Variants in STRADA observed in about 807,000 individuals in gnomAD.
The protein encoded by STRADA is STE20 related adaptor alpha.
STRADA carries 26 observed loss-of-function variants against 55.0 expected under a neutral mutation model. That is an observed-to-expected ratio of 0.47 (90% CI 0.35 to 0.66). STRADA has a LOEUF of 0.66. Among genes scored for constraint, STRADA ranks in the 30% least tolerant of loss-of-function variants. The pLI is 0.01. For synonymous variants in STRADA, 197 were observed against 210.9 expected, an observed-to-expected ratio of 0.93 and a Z score of 0.57; for missense variants, 443 against 549.7, an observed-to-expected ratio of 0.81 and a Z score of 1.94.
intron 4 of STRADA, among the ~76,000 whole-genome samples, chr17:63,714,801 C>T (rs146016345): frequency 6.6e-6 from 1 of 152,336 alleles, no homozygotes; most frequent in Non-Finnish European, 1.5e-5. Context: ...TGTCACAACT[C>T]TGGCCTCTAA....
chr17:63,712,788 G>A (rs1172582133), intron 6 of STRADA, among the ~76,000 whole-genome samples: 1 of 150,644 alleles, frequency 6.6e-6, no homozygotes. Flanking sequence ...ATCACCTGAA[G>A]TCAGGAGTTT....
intron 8 of STRADA, 106 bp from the exon 9 acceptor site, chr17:63,707,524 T>A: frequency 9.7e-7 from 1 of 1,032,544 alleles, no homozygotes; most frequent in Non-Finnish European, 1.5e-6. Context: ...TGTGCGTGTG[T>A]TATACACGTA....
intron 3 of STRADA, 35 bp from the exon 4 acceptor site, chr17:63,723,361 T>G: frequency 6.2e-7 from 1 of 1,613,920 alleles, no homozygotes; most frequent in South Asian, 1.1e-5. Flanking sequence ...GCATTTTGTG[T>G]TTTAGCAGAA....
chr17:63,713,070 G>A (rs2036613710), intron 6 of STRADA, among the ~76,000 whole-genome samples: 1 of 152,030 alleles, frequency 6.6e-6, no homozygotes, highest in African/African-American at 2.4e-5. Flanking sequence ...CCAGAAGATG[G>A]CCACTGGTGG....
intron 1 of STRADA, among the ~76,000 whole-genome samples, chr17:63,729,299 G>A (rs192614583): frequency 6.6e-6 from 1 of 152,310 alleles, no homozygotes; most frequent in African/African-American, 2.4e-5. Flanking sequence ...CATAGACAAT[G>A]TACCCAGAGT....
chr17:63,724,246 G>A (rs1246036935), intron 3 of STRADA, among the ~76,000 whole-genome samples: 3 of 151,930 alleles, frequency 2.0e-5, no homozygotes, highest in Non-Finnish European at 4.4e-5. Flanking sequence ...GGGTTCAAGC[G>A]ATTCTCCTGC....
At chr17:63,722,912 CT>C (rs992219532) in intron 4 of STRADA, among the ~76,000 whole-genome samples, 21 of 152,076 alleles carry the variant, frequency 1.4e-4, no homozygotes, top group African/African-American at 5.1e-4. Context: ...TGTATTATCT[CT>C]GTGGACTAAA....
chr17:63,713,595 TA>T (rs1407766856), intron 5 of STRADA, 68 bp from the exon 6 acceptor site: 2 of 1,568,306 alleles, frequency 1.3e-6, no homozygotes, highest in Non-Finnish European at 1.7e-6. Context: ...AATTTTCCTT[TA>T]AAAAAGGGAC....
intron 2 of STRADA, 57 bp downstream of exon 2, chr17:63,728,277 T>C: frequency 1.1e-5 from 17 of 1,580,836 alleles, no homozygotes; most frequent in Admixed American, 1.7e-5. Context: ...TCTGCCAAAA[T>C]ACACTGCTTT....
chr17:63,716,627 G>A (rs2036907350), intron 4 of STRADA, among the ~76,000 whole-genome samples: 1 of 152,014 alleles, frequency 6.6e-6, no homozygotes, highest in Non-Finnish European at 1.5e-5. Context: ...TAGGCCCCAC[G>A]GAACTCTGAT....
chr17:63,735,208 G>T (rs548952462), intron 1 of STRADA, among the ~76,000 whole-genome samples: 1 of 152,288 alleles, frequency 6.6e-6, no homozygotes, highest in African/African-American at 2.4e-5. Context: ...CAAATCGTAA[G>T]AATAATCAAT....
At chr17:63,712,335 A>T (rs1476752747) in intron 6 of STRADA, 3 of 152,130 alleles carry the variant, frequency 2.0e-5, no homozygotes, top group Admixed American at 6.5e-5. Flanking sequence ...GCCCTCCCAA[A>T]GTGTTGGGAT....
At chr17:63,714,294 T>C (rs955656076) in intron 4 of STRADA, 186 bp from the exon 5 acceptor site, 1 of 580,154 alleles carries the variant, frequency 1.7e-6, no homozygotes, top group African/African-American at 1.9e-5. Flanking sequence ...AGCACTAATA[T>C]CAGAGCAAGT....
chr17:63,714,211 C>T, intron 4 of STRADA, 103 bp from the exon 5 acceptor site: 1 of 785,268 alleles, frequency 1.3e-6, no homozygotes, highest in South Asian at 1.4e-5. Flanking sequence ...GGCATCTAAA[C>T]ACACACACAA....
Position 63,710,540 on chromosome 17 carries a change from C to G in STRADA, c.532G>C (p.Gly178Arg). The G allele has an allele frequency of 6.2e-7, 1 of 1,613,956 alleles. No individual in the cohort carries two copies. The highest frequency in any genetic ancestry group is 2.2e-5 in the East Asian group (1 of 44,878). ...NELAIAYILQ[G>R]VLKALDYIHH... ...ATGTAGTCGAGGGCCTTCAGCACCC[C>G]CTGCAGGATGTAAGCAATCGCCAGC... Residue 178 changes from glycine to arginine, a missense_variant, in exon 8 of 13, where the codon GGG becomes CGG. Coordinates refer to ENST00000336174, the MANE Select transcript of STRADA (RefSeq NM_001003787.4).
chr17:63,727,277 T>C (rs1202916227), intron 2 of STRADA: 1 of 152,528 alleles, frequency 6.6e-6, no homozygotes, highest in African/African-American at 2.4e-5. Flanking sequence ...ATTAGATTTC[T>C]GTCATTCTGA....
intron 10 of STRADA, chr17:63,705,570 TG>T (rs1413241147): frequency 6.4e-6 from 1 of 155,198 alleles, no homozygotes; most frequent in Admixed American, 6.3e-5. Flanking sequence ...CATCTTATGC[TG>T]TCACTCCTGT....
At chr17:63,732,957 G>A (rs930299587) in intron 1 of STRADA, among the ~76,000 whole-genome samples, 2 of 151,748 alleles carry the variant, frequency 1.3e-5, no homozygotes, top group Admixed American at 6.6e-5. Context: ...GTGTGGTCTC[G>A]GCTCACTGCA....
rs2035835047 is a variant in STRADA, at chr17:63,703,126, A to G, written c.*473T>C. 1.3e-5 allele frequency: 2 copies of G among 159,488 alleles called. No homozygotes were observed. The highest frequency in any genetic ancestry group is 5.9e-5 in the Admixed American group (1 of 16,882). The allele number at this position is 159,488 out of a possible 1,614,324, so 9.9% of individuals were successfully genotyped here. On this transcript the variant is annotated 3_prime_UTR_variant, in exon 13 of 13. Coordinates refer to ENST00000336174, the MANE Select transcript of STRADA (RefSeq NM_001003787.4). ...ATGCCCTTCTCTGGAATTATGAGGG[A>G]GAGGTCTGAGGGAAGGGAGGCAGGC...
Sources: gnomAD v4.1 joint callset for allele counts (sites outside exome capture counted in the v4.1 genomes callset) on GRCh38, gnomAD v4.1.1 for gene constraint, MANE v1.5 for transcripts, NCBI Gene and HGNC (gene_info 2026-07-23, HGNC 2026-07-21) for gene names.